HADH: variants seen among roughly 807,000 people sequenced by gnomAD.
The protein encoded by HADH is hydroxyacyl-CoA dehydrogenase, also known as hydroxyacyl-coenzyme A dehydrogenase, mitochondrial.
Under a neutral mutation model 32.2 loss-of-function variants are expected in HADH, and 24 were observed. That is an observed-to-expected ratio of 0.75 (90% CI 0.54 to 1.05). The LOEUF is 1.05. HADH is among the 50% of genes least tolerant of loss of function. HADH has a pLI of 0.00. For missense variants in HADH, 350 were observed against 397.1 expected, an observed-to-expected ratio of 0.88 and a Z score of 1.01; for synonymous variants, 139 against 152.5, an observed-to-expected ratio of 0.91 and a Z score of 0.65.
At chr4:108,027,808 C>T (rs1382703758) in intron 6 of HADH, 48 bp downstream of exon 6, 3 of 1,089,812 alleles carry the variant, frequency 2.8e-6, no homozygotes, top group Non-Finnish European at 4.3e-6. Flanking sequence ...GCTCCTGGCG[C>T]CACTGTCTGG....
In HADH at chr4:108,034,587, C is replaced by G; in HGVS notation, c.*230C>G. 1.0e-5 allele frequency: 5 copies of G among 480,010 alleles called. No individual in the cohort carries two copies. Among genetic ancestry groups the G allele is most frequent in the South Asian group, 5.8e-5 (3 of 51,924 alleles). 29.7% of individuals were successfully genotyped at this position (480,010 alleles called of 1,614,324 possible). On this transcript the variant is annotated 3_prime_UTR_variant, in exon 8 of 8. Coordinates refer to ENST00000309522, the MANE Select transcript of HADH (RefSeq NM_005327.7). ...TAGTCTGTTCATTTCTGTGTATTTT[C>G]TAAACAGCTTTACACCCTTGGTGCC...
chr4:108,001,989 C>T (rs540199920), intron 1 of HADH, among the ~76,000 whole-genome samples: 8 of 152,198 alleles, frequency 5.3e-5, no homozygotes, highest in Admixed American at 3.3e-4. Context: ...AAATTTATGT[C>T]GAAGCTGAAT....
intron 3 of HADH, among the ~76,000 whole-genome samples, chr4:108,018,260 G>A (rs573072041): frequency 1.3e-5 from 2 of 152,272 alleles, no homozygotes; most frequent in African/African-American, 4.8e-5. Context: ...GGTGCTTGTG[G>A]TGCAGGTTGT....
chr4:108,018,138 C>T (rs536629933), intron 3 of HADH, among the ~76,000 whole-genome samples: 2 of 152,244 alleles, frequency 1.3e-5, no homozygotes, highest in East Asian at 1.9e-4. Context: ...AGGGGTATTA[C>T]GATTGTAATA....
chr4:108,017,119 G>GCAGC (rs1378627535), intron 3 of HADH, among the ~76,000 whole-genome samples: 1 of 152,152 alleles, frequency 6.6e-6, no homozygotes, highest in Non-Finnish European at 1.5e-5. Context: ...CAATTTTTAA[G>GCAGC]CAGCCGTATT....
chr4:108,034,365 C>T lies in HADH; in HGVS notation c.*8C>T. On this transcript the variant is annotated 3_prime_UTR_variant, in exon 8 of 8. Transcript: ENST00000309522. ...TTTTACAAATACAAGTGATGTGCAG[C>T]TTCTCCGGCTCTGAGAAGAACACCT... The T allele has an allele frequency of 6.7e-7, 1 of 1,501,510 alleles. No individual in the cohort carries two copies. Among genetic ancestry groups the T allele is most frequent in the East Asian group, 2.3e-5 (1 of 44,320 alleles). 93.0% of individuals were successfully genotyped at this position (1,501,510 alleles called of 1,614,324 possible).
At chr4:108,008,674 C>G (rs962471721) in intron 1 of HADH, among the ~76,000 whole-genome samples, 43 of 152,294 alleles carry the variant, frequency 2.8e-4, no homozygotes, top group Middle Eastern at 3.4e-3. Flanking sequence ...TTGCCCCTCT[C>G]CTGCACACTG....
At chr4:108,027,407 A>G (rs931489111) in intron 5 of HADH, 8 of 506,344 alleles carry the variant, frequency 1.6e-5, no homozygotes, top group Non-Finnish European at 2.9e-5. Flanking sequence ...GTCTCTCCCA[A>G]AGCCATGCTC....
At chr4:107,990,666 T>G (rs1560718982) in intron 1 of HADH, among the ~76,000 whole-genome samples, 2 of 152,150 alleles carry the variant, frequency 1.3e-5, no homozygotes, top group Non-Finnish European at 2.9e-5. Flanking sequence ...AGGTCCTGGT[T>G]TTGACCTTTG....
chr4:108,023,436 T>A lies in HADH; in HGVS notation c.547-38T>A. 2.4e-6 allele frequency: 3 copies of A among 1,254,656 alleles called. No homozygotes were observed. The Admixed American group carries it at 5.0e-5, about 21-fold the overall frequency. The allele number at this position is 1,254,656 out of a possible 1,614,324, so 77.7% of individuals were successfully genotyped here. A position where few individuals can be genotyped will look rare whatever the true frequency, so the allele number is the denominator to read the frequency against. On this transcript the variant is annotated intron_variant, in intron 4 of 7. Coordinates refer to ENST00000309522, the MANE Select transcript of HADH (RefSeq NM_005327.7). ...GAACCATTCTACCGAAGTTGCTTGC[T>A]GACACTCTGGTCATAATTCTCTGCT...
chr4:108,008,867 ATCT>A (rs1357338710), intron 1 of HADH, among the ~76,000 whole-genome samples: 3 of 152,124 alleles, frequency 2.0e-5, no homozygotes, highest in Non-Finnish European at 2.9e-5. Context: ...TGACCCAATG[ATCT>A]TCTTTTAGCC....
At position 108,035,157 on chromosome 4, in the gene HADH, G is replaced by A. The variant is rs539819676; in HGVS notation, c.*800G>A. ...CAAATGATTATAAAAGTAAAAGTTG[G>A]TAATTTAGGCAGAAGCTATTTCTCC... On this transcript the variant is annotated 3_prime_UTR_variant, in exon 8 of 8. Coordinates refer to ENST00000309522, the MANE Select transcript of HADH (RefSeq NM_005327.7). The A allele has an allele frequency of 6.6e-6, 1 of 152,330 alleles. No homozygotes were observed. The highest frequency in any genetic ancestry group is 2.1e-4 in the South Asian group (1 of 4,832). 9.4% of individuals were successfully genotyped at this position (152,330 alleles called of 1,614,324 possible).
intron 1 of HADH, among the ~76,000 whole-genome samples, chr4:107,995,908 C>G (rs1281317073): frequency 6.6e-6 from 1 of 152,148 alleles, no homozygotes; most frequent in Non-Finnish European, 1.5e-5. Flanking sequence ...AGTCTACCTG[C>G]TGGTCGTCTA....
In HADH at chr4:108,035,098, G is replaced by GA. The variant is rs1163179273; in HGVS notation, c.*748dup. Reference sequence around the variant, plus strand: ...ATGTTTCAGTCTGAAAATTTGAATTGAAAAAAATGTATAATATAAAATTGT... The same window carrying GA: ...ATGTTTCAGTCTGAAAATTTGAATTGAAAAAAAATGTATAATATAAAATTGT... On this transcript the variant is annotated 3_prime_UTR_variant, in exon 8 of 8. Coordinates refer to ENST00000309522, the MANE Select transcript of HADH (RefSeq NM_005327.7). The GA allele has an allele frequency of 1.3e-5, 2 of 152,278 alleles. No individual in the cohort carries two copies. The highest frequency in any genetic ancestry group is 4.8e-5 in the African/African-American group (2 of 41,400). 9.4% of individuals were successfully genotyped at this position (152,278 alleles called of 1,614,324 possible).
In HADH at chr4:108,009,893, T is replaced by A; in HGVS notation, c.261+6T>A. ...AGTTTGCAGAAAACCTTAAGGTAAT[T>A]TCTTATTATCGATGTCTTCAAGACA... On this transcript the variant is annotated splice_donor_region_variant and intron_variant, in intron 2 of 7. Transcript: ENST00000309522. The A allele has an allele frequency of 6.3e-7, 1 of 1,597,142 alleles. No individual in the cohort carries two copies. Among genetic ancestry groups the A allele is most frequent in the Non-Finnish European group, 8.6e-7 (1 of 1,164,540 alleles).
Position 108,017,141 on chromosome 4 carries a change from T to C in HADH, c.420-2399T>C, listed in dbSNP as rs146806276. 4.8e-4 allele frequency among the ~76,000 whole-genome samples: 73 copies of C among 152,346 alleles called. 1 individual carries two copies. In the East Asian group the frequency reaches 0.011, roughly 24 times the overall value. ...TAAGCAGCCGTATTGAGAGGTACTT[T>C]ACTGACAAATTTTACAGTTCGATCC... On this transcript the variant is annotated intron_variant, in intron 3 of 7. Transcript: ENST00000309522.
At chr4:108,020,465 A>G (rs1735844917) in intron 4 of HADH, among the ~76,000 whole-genome samples, 1 of 152,146 alleles carries the variant, frequency 6.6e-6, no homozygotes, top group Non-Finnish European at 1.5e-5. Flanking sequence ...GCAAGATCCT[A>G]TATCGAATAA....
intron 5 of HADH, chr4:108,024,900 ATTATC>A (rs1736010016): frequency 6.6e-6 from 1 of 152,214 alleles, no homozygotes; most frequent in South Asian, 2.1e-4. Flanking sequence ...TTCTCATTAA[ATTATC>A]TTGTTAGGTC....
At position 108,027,765 on chromosome 4, in the gene HADH, CCTT is replaced by C; in HGVS notation, c.709+8_709+10del. On this transcript the variant is annotated splice_donor_region_variant and intron_variant, in intron 6 of 7. Transcript: ENST00000309522. The stretch of plus-strand genomic sequence containing the variant: ...CAATCAGGCTGTATGAACGAGGTAT[CCTT>C]CTGACCCAGGCCAGGAGCAGCAGAC... 2.5e-6 allele frequency: 4 copies of C among 1,570,108 alleles called. No homozygotes were observed. The highest frequency in any genetic ancestry group is 3.5e-6 in the Non-Finnish European group (4 of 1,139,840).
Sources: allele counts gnomAD v4.1 joint callset (sites outside exome capture counted in the v4.1 genomes callset), GRCh38; gene constraint gnomAD v4.1.1; transcripts MANE v1.5; gene names NCBI Gene and HGNC (gene_info 2026-07-23, HGNC 2026-07-21).